The following FSTL5 variants were observed in gnomAD, a reference collection of about 807,000 sequenced individuals.
FSTL5 encodes follistatin-related protein 5.
A neutral mutation model predicts 89.1 loss-of-function variants in FSTL5; 62 were observed. That is an observed-to-expected ratio of 0.70 (90% CI 0.57 to 0.86). The LOEUF is 0.86. Among genes scored for constraint, FSTL5 ranks in the 40% least tolerant of loss-of-function variants. The probability of loss-of-function intolerance (pLI) is 0.00; values close to 1 mark genes in which losing one functional copy is unlikely to be tolerated. For missense variants in FSTL5, 1,057 were observed against 1,001.6 expected (o/e 1.06, Z -0.75); for synonymous variants, 383 against 346.2 (o/e 1.11, Z -1.18).
rs529224169 is a variant in FSTL5, at chr4:162,050,024, TC to T, written c.127-16367del. ...TAATTCTTGAAAGAAAGAACATATA[TC>T]AAAAAAGTTAAGTGATATAGGTTTT... On this transcript the variant is annotated intron_variant, in intron 2 of 15. Transcript: ENST00000306100. Among the ~76,000 whole-genome samples, 749 of 151,802 alleles carry T rather than the reference TC, an allele frequency of 4.9e-3. 4 individuals carry two copies. The highest frequency in any genetic ancestry group is 8.6e-3 in the Non-Finnish European group (582 of 67,834).
chr4:162,011,445 CCTGACT>C (rs1317384515), intron 3 of FSTL5, among the ~76,000 whole-genome samples: 19 of 152,062 alleles, frequency 1.2e-4, no homozygotes, highest in African/African-American at 4.3e-4. Context: ...TCCTGTGTTT[CCTGACT>C]CTTCTCTGTC....
chr4:161,459,023 C>T (rs569946461), intron 14 of FSTL5, among the ~76,000 whole-genome samples, 189 bp downstream of exon 14: 8 of 150,492 alleles, frequency 5.3e-5, no homozygotes, highest in Non-Finnish European at 8.8e-5. Flanking sequence ...TACACATTAT[C>T]TATGATTTTT....
chr4:161,530,929 G>A (rs553569233), intron 10 of FSTL5, among the ~76,000 whole-genome samples: 5 of 152,146 alleles, frequency 3.3e-5, no homozygotes, highest in African/African-American at 7.2e-5. Context: ...TGTACAAGAC[G>A]TTTTCAAATA....
intron 8 of FSTL5, among the ~76,000 whole-genome samples, chr4:161,563,144 C>T (rs148348468): frequency 6.6e-6 from 1 of 151,900 alleles, no homozygotes; most frequent in Admixed American, 6.6e-5. Flanking sequence ...ATGACTCACC[C>T]TAACTGGAAA....
At chr4:161,820,168 G>T (rs1397237922) in intron 4 of FSTL5, among the ~76,000 whole-genome samples, 3 of 152,008 alleles carry the variant, frequency 2.0e-5, no homozygotes, top group Non-Finnish European at 1.5e-5. Flanking sequence ...AATAGCAATT[G>T]ATAGAAATAT....
intron 6 of FSTL5, among the ~76,000 whole-genome samples, chr4:161,695,424 C>CGTGTGTGTGT (rs151205054): frequency 0.03 from 4,008 of 134,254 alleles, 96 homozygotes; most frequent in Middle Eastern, 0.053. Context: ...CCATGGTGTA[C>CGTGTGTGTGT]GTGTGTGTGT....
intron 10 of FSTL5, among the ~76,000 whole-genome samples, chr4:161,527,375 A>T (rs1206750355): frequency 6.6e-6 from 1 of 152,174 alleles, no homozygotes; most frequent in Non-Finnish European, 1.5e-5. Flanking sequence ...AAATGGGAGA[A>T]AATTTTCGCA....
chr4:161,699,426 C>T (rs1423930433), intron 6 of FSTL5, among the ~76,000 whole-genome samples: 1 of 152,100 alleles, frequency 6.6e-6, no homozygotes, highest in Non-Finnish European at 1.5e-5. Flanking sequence ...AAAGACAAGG[C>T]AAAATCAGCC....
At position 161,936,605 on chromosome 4, in the gene FSTL5, G is replaced by A. The variant is rs184223793; in HGVS notation, c.161-15953C>T. On this transcript the variant is annotated intron_variant, in intron 3 of 15. Transcript: ENST00000306100. ...AGATAAATTAGCAATACCAAGTACCGCAGGAAATGAAAATGACAGTGATTA... is the reference window on the plus strand; with the variant it reads ...AGATAAATTAGCAATACCAAGTACCACAGGAAATGAAAATGACAGTGATTA... Among the ~76,000 whole-genome samples the A allele has an allele frequency of 1.0e-3, 156 of 152,148 alleles. 2 individuals carry two copies. The highest frequency in any genetic ancestry group is 3.1e-3 in the African/African-American group (129 of 41,514).
chr4:161,778,451 A>G (rs2050996257), intron 4 of FSTL5, among the ~76,000 whole-genome samples: 4 of 152,220 alleles, frequency 2.6e-5, no homozygotes. Context: ...AGATATTTAA[A>G]TATGTGTCTG....
At chr4:161,966,931 A>G (rs903259883) in intron 3 of FSTL5, among the ~76,000 whole-genome samples, 32 of 152,030 alleles carry the variant, frequency 2.1e-4, no homozygotes, top group Middle Eastern at 3.4e-3. Context: ...TTAATGACCA[A>G]CTTCGCTTTA....
rs137921062 is a variant in FSTL5 at position 162,108,355 on chromosome 4, T to C, written c.126+2916A>G. ...ACAAACAGGTCTCATATTTTCCTTT[T>C]TGATTCCAAAATTGGATTCATTATA... On this transcript the variant is annotated intron_variant, in intron 2 of 15. Coordinates refer to ENST00000306100, the MANE Select transcript of FSTL5 (RefSeq NM_020116.5). Among the ~76,000 whole-genome samples the C allele has an allele frequency of 7.9e-5, 12 of 152,208 alleles. No individual in the cohort carries two copies. In the East Asian group the frequency reaches 1.9e-3, roughly 24 times the overall value.
intron 3 of FSTL5, among the ~76,000 whole-genome samples, chr4:162,019,970 CAG>C: frequency 6.7e-6 from 1 of 149,426 alleles, no homozygotes; most frequent in African/African-American, 2.4e-5. Context: ...ATATATAAGA[CAG>C]ATATTCAGAA....
intron 6 of FSTL5, among the ~76,000 whole-genome samples, chr4:161,684,828 C>T (rs573794838): frequency 1.3e-4 from 20 of 152,202 alleles, no homozygotes; most frequent in East Asian, 7.7e-4. Flanking sequence ...AAATCCTTGC[C>T]TAAGCCAATG....
intron 8 of FSTL5, among the ~76,000 whole-genome samples, chr4:161,554,519 T>C (rs1578920903): frequency 6.6e-6 from 1 of 151,594 alleles, no homozygotes; most frequent in South Asian, 2.1e-4. Flanking sequence ...TAACTGGCTG[T>C]TTTGGAAGCC....
chr4:161,632,918 A>G lies in FSTL5; in HGVS notation c.894+23410T>C, dbSNP rs535220231. On this transcript the variant is annotated intron_variant, in intron 7 of 15. Transcript: ENST00000306100. ...AACTAAATCTTATTAAATTTTCACT[A>G]TCTACCTCGTTTTATTCTAAAGATG... 7.2e-5 allele frequency among the ~76,000 whole-genome samples: 11 copies of G among 152,278 alleles called. No individual in the cohort carries two copies. The South Asian group carries it at 1.4e-3, about 20-fold the overall frequency.
chr4:161,552,890 T>C (rs1471280552), intron 8 of FSTL5, among the ~76,000 whole-genome samples: 1 of 151,578 alleles, frequency 6.6e-6, no homozygotes, highest in African/African-American at 2.4e-5. Flanking sequence ...AAAAAGTCAA[T>C]AATCCTCCAC....
chr4:161,692,026 A>G (rs897872834), intron 6 of FSTL5, among the ~76,000 whole-genome samples: 1 of 152,140 alleles, frequency 6.6e-6, no homozygotes, highest in Non-Finnish European at 1.5e-5. Context: ...TATATAATCA[A>G]ATCACTAAAA....
chr4:161,734,557 A>T (rs1739724753), intron 6 of FSTL5, among the ~76,000 whole-genome samples: 1 of 152,194 alleles, frequency 6.6e-6, no homozygotes. Flanking sequence ...GCAATCTCTG[A>T]TTAGACAGCT....
Sources: gnomAD v4.1 joint callset for allele counts (sites outside exome capture counted in the v4.1 genomes callset) on GRCh38, gnomAD v4.1.1 for gene constraint, MANE v1.5 for transcripts, NCBI Gene and HGNC (gene_info 2026-07-23, HGNC 2026-07-21) for gene names.